The following TANC2 variants were observed in gnomAD, a reference collection of about 807,000 sequenced individuals.
The protein encoded by TANC2 is protein TANC2.
In TANC2, 26 loss-of-function variants were observed where a neutral mutation model predicts 210.5. The observed-to-expected ratio is 0.12, with a 90% CI of 0.09 to 0.17. The LOEUF is 0.17. Ranked by LOEUF, TANC2 falls within the 10% of genes least tolerant of loss-of-function variation. TANC2 has a pLI of 1.00. For synonymous variants in TANC2, 931 were observed against 967.1 expected (o/e 0.96, Z 0.69); for missense variants, 2,129 against 2,608.9 (o/e 0.82, Z 4.01).
In TANC2 at chr17:63,338,008, G is replaced by A. The variant is rs141140166; in HGVS notation, c.1576-2093G>A. On this transcript the variant is annotated intron_variant, in intron 11 of 27. Coordinates refer to ENST00000689528, the Ensembl canonical transcript of TANC2. The stretch of plus-strand genomic sequence containing the variant: ...TGTATATGTACCACATTGTTTTTAT[G>A]CAGTCTGCCATTGATGGGCGTTAAG... Among the ~76,000 whole-genome samples the A allele has an allele frequency of 1.0e-3, 154 of 152,262 alleles. 1 individual carries two copies. The highest frequency in any genetic ancestry group is 2.2e-4 in the Non-Finnish European group (15 of 68,012).
chr17:63,401,832 C>A (rs2048353535), intron 19 of TANC2, among the ~76,000 whole-genome samples: 1 of 152,210 alleles, frequency 6.6e-6, no homozygotes, highest in Non-Finnish European at 1.5e-5. Flanking sequence ...CCTGGAAATA[C>A]ATGGCCCCAA....
chr17:63,353,710 A>G (rs550471110), intron 13 of TANC2, among the ~76,000 whole-genome samples: 1 of 152,236 alleles, frequency 6.6e-6, no homozygotes, highest in East Asian at 1.9e-4. Flanking sequence ...GAAGGTTAAA[A>G]GTGGCCAGTG....
rs561166923 is a variant in TANC2 at position 63,408,025 on chromosome 17, A to T, written c.3589+1748A>T. Among the ~76,000 whole-genome samples, 41 of 152,342 alleles carry T rather than the reference A, an allele frequency of 2.7e-4. No individual in the cohort carries two copies. The South Asian group carries it at 8.1e-3, about 30-fold the overall frequency. ...AAAGGAATCTGGGGAGGCTTTAAAA[A>T]TTTTAAATAAGGAATTGATGGCAGA... is the stretch of plus-strand genomic sequence containing the variant. On this transcript the variant is annotated intron_variant, in intron 21 of 27. Coordinates refer to ENST00000689528, the Ensembl canonical transcript of TANC2.
intron 9 of TANC2, chr17:63,305,158 T>C (rs2044859518): frequency 6.6e-6 from 1 of 152,322 alleles, no homozygotes; most frequent in Non-Finnish European, 1.5e-5. Context: ...CGAGTGGCTA[T>C]TGAGAATCTG....
chr17:63,158,721 T>C (rs1299766566), intron 5 of TANC2, among the ~76,000 whole-genome samples: 2 of 152,214 alleles, frequency 1.3e-5, no homozygotes, highest in Admixed American at 6.5e-5. Flanking sequence ...CATAACAAAT[T>C]ACCATAAAAT....
intron 9 of TANC2, among the ~76,000 whole-genome samples, chr17:63,288,418 G>A (rs968815495): frequency 6.6e-6 from 1 of 152,174 alleles, no homozygotes; most frequent in Non-Finnish European, 1.5e-5. Context: ...AATTCATTAA[G>A]ATCTGTTTTA....
intron 5 of TANC2, among the ~76,000 whole-genome samples, chr17:63,180,721 G>C (rs905039092): frequency 1.3e-5 from 2 of 152,090 alleles, no homozygotes; most frequent in African/African-American, 4.8e-5. Context: ...TGAGAATATA[G>C]TAGTAGAAAA....
chr17:63,245,240 A>G (rs2042883438), intron 8 of TANC2, among the ~76,000 whole-genome samples: 1 of 152,162 alleles, frequency 6.6e-6, no homozygotes, highest in Non-Finnish European at 1.5e-5. Context: ...GACATCTTAT[A>G]ATAAGTTAGT....
chr17:63,075,539 T>A (rs908991305), intron 3 of TANC2, among the ~76,000 whole-genome samples: 22 of 152,068 alleles, frequency 1.4e-4, no homozygotes, highest in South Asian at 8.3e-4. Context: ...ATATATATAT[T>A]TTTTTATATG....
chr17:62,973,030 ATTT>A (rs113343539), intron 1 of TANC2, among the ~76,000 whole-genome samples: 5 of 132,694 alleles, frequency 3.8e-5, no homozygotes, highest in Admixed American at 1.5e-4. Flanking sequence ...TAGTTGCCGC[ATTT>A]TTTTTTTTTT....
chr17:63,150,658 A>G (rs1375524217), intron 4 of TANC2: 1 of 152,170 alleles, frequency 6.6e-6, no homozygotes, highest in African/African-American at 2.4e-5. Flanking sequence ...GACTTCTTAC[A>G]TTAATAGCTG....
At chr17:63,099,109 A>G in intron 3 of TANC2, 66 bp from the exon 4 acceptor site, 1 of 1,435,382 alleles carries the variant, frequency 7.0e-7, no homozygotes, top group South Asian at 1.2e-5. Context: ...ATCCTATAAG[A>G]TGTATTTTAA....
chr17:63,406,017 A>C, intron 20 of TANC2, 137 bp from the exon 21 acceptor site: 1 of 1,072,480 alleles, frequency 9.3e-7, no homozygotes, highest in Non-Finnish European at 1.3e-6. Flanking sequence ...CTATACAGGT[A>C]CTTATGGGGG....
At chr17:63,188,520 G>T (rs936801221) in intron 5 of TANC2, among the ~76,000 whole-genome samples, 2 of 150,654 alleles carry the variant, frequency 1.3e-5, no homozygotes, top group African/African-American at 4.9e-5. Flanking sequence ...TTAAACCCAG[G>T]AGGCGGAGGT....
chr17:63,327,299 T>C (rs1272902872), intron 11 of TANC2, among the ~76,000 whole-genome samples: 1 of 152,238 alleles, frequency 6.6e-6, no homozygotes, highest in Non-Finnish European at 1.5e-5. Context: ...ACAGCCATTA[T>C]GGAAAACAGC....
chr17:63,097,433 A>C (rs1014659620), intron 3 of TANC2, among the ~76,000 whole-genome samples: 36 of 152,210 alleles, frequency 2.4e-4, no homozygotes, highest in African/African-American at 8.7e-4. Flanking sequence ...AATGGCAAAA[A>C]ACTGCAATTA....
chr17:63,207,997 CAT>C (rs1290543230), intron 7 of TANC2, among the ~76,000 whole-genome samples: 3 of 152,308 alleles, frequency 2.0e-5, no homozygotes, highest in East Asian at 1.9e-4. Context: ...AATCTTTTCA[CAT>C]GTTTATTAGC....
At chr17:63,386,756 A>G (rs2047791918) in intron 15 of TANC2, among the ~76,000 whole-genome samples, 1 of 152,204 alleles carries the variant, frequency 6.6e-6, no homozygotes, top group Non-Finnish European at 1.5e-5. Context: ...TTAATACCAT[A>G]TTATTTTATT....
At chr17:63,059,074 C>T (rs901859033) in intron 2 of TANC2, among the ~76,000 whole-genome samples, 1 of 151,810 alleles carries the variant, frequency 6.6e-6, no homozygotes, top group African/African-American at 2.4e-5. Context: ...TCCATGAGCC[C>T]GGGGTGTTTT....
Sources: gnomAD v4.1 joint callset for allele counts (sites outside exome capture counted in the v4.1 genomes callset) on GRCh38, gnomAD v4.1.1 for gene constraint, MANE v1.5 for transcripts, NCBI Gene and HGNC (gene_info 2026-07-23, HGNC 2026-07-21) for gene names.